Variants in CNTNAP5 observed in about 807,000 individuals in gnomAD.
The protein encoded by CNTNAP5 is contactin-associated protein-like 5.
CNTNAP5 carries 72 observed loss-of-function variants against 150.2 expected under a neutral mutation model. The observed-to-expected ratio is 0.48, with a 90% CI of 0.40 to 0.58. The LOEUF is 0.58. Ranked by LOEUF, CNTNAP5 falls within the 20% of genes least tolerant of loss-of-function variation. CNTNAP5 has a pLI of 0.00. For synonymous variants in CNTNAP5, 672 were observed against 619.8 expected (o/e 1.08, Z -1.25); for missense variants, 1,636 against 1,626.2 (o/e 1.01, Z -0.10).
chr2:124,914,399 C>G lies in CNTNAP5; in HGVS notation c.*111C>G. The stretch of plus-strand genomic sequence containing the variant: ...TCTCTTTATTTTCTGCTTGCCATGT[C>G]TTTTCTGGAACATACTTGCATCCAC... On this transcript the variant is annotated 3_prime_UTR_variant, in exon 24 of 24. Transcript: ENST00000682447. The G allele has an allele frequency of 1.2e-6, 1 of 812,928 alleles. No homozygotes were observed. The highest frequency in any genetic ancestry group is 2.0e-6 in the Non-Finnish European group (1 of 510,626). The allele number at this position is 812,928 out of a possible 1,614,324, so 50.4% of individuals were successfully genotyped here.
intron 3 of CNTNAP5, among the ~76,000 whole-genome samples, chr2:124,373,440 T>C (rs1690576843): frequency 6.6e-6 from 1 of 152,048 alleles, no homozygotes; most frequent in African/African-American, 2.4e-5. Flanking sequence ...GTTTAATAAA[T>C]GACCAGCAAT....
In CNTNAP5 at chr2:124,242,275, T is replaced by C; in HGVS notation, c.263T>C (p.Ile88Thr). The C allele has an allele frequency of 6.2e-7, 1 of 1,609,748 alleles. No individual in the cohort carries two copies. The highest frequency in any genetic ancestry group is 8.5e-7 in the Non-Finnish European group (1 of 1,178,104). ...LQMDLGNRVEITAVATQGRYG... is the reference protein window; with the variant it reads ...LQMDLGNRVETTAVATQGRYG... Reference sequence around the variant, plus strand: ...ATGGACCTGGGAAACAGAGTAGAGATTACAGCAGTGGCCACGCAGGGAAGA... The same window carrying C: ...ATGGACCTGGGAAACAGAGTAGAGACTACAGCAGTGGCCACGCAGGGAAGA... Residue 88 changes from isoleucine (I) to threonine (T), a missense_variant, in exon 3 of 24, where the codon ATT becomes ACT. By Grantham distance (89) the Ile-to-Thr change is moderately conservative. Coordinates refer to ENST00000682447, the MANE Select transcript of CNTNAP5 (RefSeq NM_001367498.1).
At chr2:124,819,548 C>T (rs980435662) in intron 19 of CNTNAP5, among the ~76,000 whole-genome samples, 1 of 152,080 alleles carries the variant, frequency 6.6e-6, no homozygotes, top group Admixed American at 6.5e-5. Flanking sequence ...ATGAAAGCAA[C>T]GTTCAGGCCA....
At chr2:124,253,716 G>A (rs926510882) in intron 3 of CNTNAP5, among the ~76,000 whole-genome samples, 4 of 152,072 alleles carry the variant, frequency 2.6e-5, no homozygotes, top group Non-Finnish European at 5.9e-5. Context: ...TTATCAGAGT[G>A]GTTGGTGGAC....
intron 3 of CNTNAP5, among the ~76,000 whole-genome samples, chr2:124,252,086 C>T (rs889656160): frequency 6.6e-6 from 1 of 152,156 alleles, no homozygotes; most frequent in Non-Finnish European, 1.5e-5. Flanking sequence ...CACTTTCATG[C>T]CTGGGCATCC....
chr2:124,230,876 G>T (rs1282228590), intron 2 of CNTNAP5, among the ~76,000 whole-genome samples: 1 of 152,134 alleles, frequency 6.6e-6, no homozygotes, highest in Non-Finnish European at 1.5e-5. Flanking sequence ...AAATGGGTCA[G>T]TGGATTACCC....
rs186787026 is a variant in CNTNAP5, at chr2:124,034,476, G to A, written c.82+8744G>A. Reference sequence around the variant, plus strand: ...TATCTCCCATGTAAACAGACAATGAGTAGAGTCTACCTTCACCTGGCAGAG... The same window carrying A: ...TATCTCCCATGTAAACAGACAATGAATAGAGTCTACCTTCACCTGGCAGAG... On this transcript the variant is annotated intron_variant, in intron 1 of 23. Coordinates refer to ENST00000682447, the MANE Select transcript of CNTNAP5 (RefSeq NM_001367498.1). 1.2e-3 allele frequency among the ~76,000 whole-genome samples: 182 copies of A among 152,300 alleles called. 1 individual carries two copies. The highest frequency in any genetic ancestry group is 4.2e-3 in the African/African-American group (173 of 41,554).
intron 3 of CNTNAP5, among the ~76,000 whole-genome samples, chr2:124,327,461 G>A (rs2104676042): frequency 6.6e-6 from 1 of 152,208 alleles, no homozygotes; most frequent in East Asian, 1.9e-4. Context: ...TGGAAGTGGG[G>A]TTTTGACATT....
chr2:124,047,921 A>T (rs10181162), intron 1 of CNTNAP5, among the ~76,000 whole-genome samples: 2,550 of 152,234 alleles, frequency 0.017, 72 homozygotes, highest in African/African-American at 0.057. Context: ...GTGTCTTTAT[A>T]CTGCTCCTCT....
intron 3 of CNTNAP5, among the ~76,000 whole-genome samples, chr2:124,311,651 C>T (rs1688835082): frequency 6.6e-6 from 1 of 152,168 alleles, no homozygotes; most frequent in Non-Finnish European, 1.5e-5. Context: ...CAGTCCATAG[C>T]ACTGCCTAAC....
intron 19 of CNTNAP5, among the ~76,000 whole-genome samples, chr2:124,864,216 T>A (rs1677581340): frequency 6.6e-6 from 1 of 152,338 alleles, no homozygotes. Context: ...AAACATTTTT[T>A]TAAATTTTAT....
chr2:124,168,789 C>G (rs1048046600), intron 1 of CNTNAP5, among the ~76,000 whole-genome samples: 1 of 152,110 alleles, frequency 6.6e-6, no homozygotes, highest in Non-Finnish European at 1.5e-5. Flanking sequence ...TACATCATTA[C>G]TATTTATTGA....
chr2:124,760,473 C>G (rs111308300), intron 14 of CNTNAP5, among the ~76,000 whole-genome samples: 2,198 of 152,128 alleles, frequency 0.014, 54 homozygotes, highest in African/African-American at 0.05. Flanking sequence ...CCCCACCACT[C>G]TGCCACTCTA....
chr2:124,791,145 T>A (rs1399338800), intron 18 of CNTNAP5, among the ~76,000 whole-genome samples: 1 of 152,146 alleles, frequency 6.6e-6, no homozygotes, highest in African/African-American at 2.4e-5. Flanking sequence ...AAAGCAATGG[T>A]TTATTTAGTC....
intron 2 of CNTNAP5, among the ~76,000 whole-genome samples, 176 bp from the exon 3 acceptor site, chr2:124,242,024 G>C (rs1686899016): frequency 6.6e-6 from 1 of 152,132 alleles, no homozygotes; most frequent in African/African-American, 2.4e-5. Context: ...GATTTTGATG[G>C]AGGTGGAGAA....
chr2:124,454,165 A>G (rs1226446892), intron 6 of CNTNAP5, among the ~76,000 whole-genome samples: 1 of 152,186 alleles, frequency 6.6e-6, no homozygotes, highest in Non-Finnish European at 1.5e-5. Context: ...CACACCTAAT[A>G]CATAAGAACT....
intron 10 of CNTNAP5, among the ~76,000 whole-genome samples, chr2:124,550,683 G>A (rs908603037): frequency 5.3e-5 from 8 of 152,154 alleles, no homozygotes; most frequent in Admixed American, 3.9e-4. Flanking sequence ...TCTGTCAATT[G>A]CGTGGTGGAC....
intron 1 of CNTNAP5, among the ~76,000 whole-genome samples, chr2:124,168,010 G>A (rs4848917): frequency 0.11 from 16,254 of 152,154 alleles, 993 homozygotes; most frequent in Middle Eastern, 0.21. Flanking sequence ...GTATGACCCA[G>A]GATAAGTCAG....
chr2:124,479,413 C>T (rs1693715588), intron 7 of CNTNAP5, among the ~76,000 whole-genome samples: 1 of 152,084 alleles, frequency 6.6e-6, no homozygotes, highest in Admixed American at 6.6e-5. Context: ...AGTTTCACTC[C>T]CATTATTGTA....
Sources: allele counts gnomAD v4.1 joint callset (sites outside exome capture counted in the v4.1 genomes callset), GRCh38; gene constraint gnomAD v4.1.1; transcripts MANE v1.5; gene names NCBI Gene and HGNC (gene_info 2026-07-23, HGNC 2026-07-21).